Variants in MAPKBP1 observed in about 807,000 individuals in gnomAD.
The protein encoded by MAPKBP1 is mitogen-activated protein kinase binding protein 1.
In MAPKBP1, 71 loss-of-function variants were observed where a neutral mutation model predicts 170.5. The ratio of observed to expected loss-of-function variants is 0.42; its 90% CI spans 0.34 to 0.51. MAPKBP1 has a LOEUF of 0.51. Among genes scored for constraint, MAPKBP1 ranks in the 20% least tolerant of loss-of-function variants. MAPKBP1 has a pLI of 0.06. For missense variants in MAPKBP1, 1,598 were observed against 1,933.0 expected, an observed-to-expected ratio of 0.83 and a Z score of 3.25; for synonymous variants, 719 against 757.9, an observed-to-expected ratio of 0.95 and a Z score of 0.84.
rs1186213155 is a variant in MAPKBP1, at chr15:41,821,065, C to T, written c.2715C>T (p.Ser905=). The change falls in exon 23 of 31, where the codon AGC becomes AGT. Residue 905 remains serine (S), a synonymous_variant. Coordinates refer to ENST00000457542, the MANE Select transcript of MAPKBP1 (RefSeq NM_014994.3). ...AGGCCCTTGAGACTTCACTCACTAG[C>T]CAGGTGAGCCTGCTTTCTCCCAGCT... ...GQEALETSLT[S]QNEKPPRPQA... 6.8e-6 allele frequency: 11 copies of T among 1,613,444 alleles called. No homozygotes were observed. The highest frequency in any genetic ancestry group is 9.3e-6 in the Non-Finnish European group (11 of 1,179,656).
chr15:41,811,939 G>T lies in MAPKBP1; in HGVS notation c.328-18G>T. 3 of 1,613,804 alleles carry T rather than the reference G, an allele frequency of 1.9e-6. No homozygotes were observed. Among genetic ancestry groups the T allele is most frequent in the Non-Finnish European group, 2.5e-6 (3 of 1,179,808 alleles). ...TGGAGAAGTCAAGAACTCACTTCCA[G>T]TTCTTGCCTCCCTGCAGAGTGGGCA... On this transcript the variant is annotated intron_variant, in intron 5 of 30. Transcript: ENST00000457542.
chr15:41,785,480 T>C (rs1487448763), intron 2 of MAPKBP1, among the ~76,000 whole-genome samples: 3 of 152,198 alleles, frequency 2.0e-5, no homozygotes, highest in African/African-American at 4.8e-5. Context: ...TTTCTTTATC[T>C]GTTTAGAAAC....
chr15:41,778,150 G>A (rs2064128264), intron 2 of MAPKBP1, among the ~76,000 whole-genome samples: 1 of 152,178 alleles, frequency 6.6e-6, no homozygotes, highest in African/African-American at 2.4e-5. Context: ...TTAGGACAGT[G>A]TAAGATAGGC....
rs567179114 is a variant in MAPKBP1 at position 41,784,505 on chromosome 15, C to T, written c.114+9116C>T. Among the ~76,000 whole-genome samples the T allele has an allele frequency of 4.0e-5, 6 of 151,806 alleles. No homozygotes were observed. The South Asian group carries it at 6.2e-4, about 16-fold the overall frequency. The stretch of plus-strand genomic sequence containing the variant: ...GCTTTTTTAAAAAAATTAGCTGGGC[C>T]GGGCGTGGTGGCTCACACCTGTAAT... On this transcript the variant is annotated intron_variant, in intron 2 of 30. Coordinates refer to ENST00000457542, the MANE Select transcript of MAPKBP1 (RefSeq NM_014994.3).
At chr15:41,810,717 CAAAAAAAAAA>C (rs58612719) in intron 3 of MAPKBP1, 156 bp from the exon 4 acceptor site, 25 of 431,864 alleles carry the variant, frequency 5.8e-5, no homozygotes, top group Non-Finnish European at 8.4e-5. Flanking sequence ...GATCCTGTCT[CAAAAAAAAAA>C]AAAAAAAAAA....
At chr15:41,777,424 A>G (rs1347578394) in intron 2 of MAPKBP1, among the ~76,000 whole-genome samples, 1 of 152,064 alleles carries the variant, frequency 6.6e-6, no homozygotes, top group Non-Finnish European at 1.5e-5. Context: ...AGAGCTCTCC[A>G]GGAAAACAGT....
At chr15:41,810,301 T>G (rs2064779342) in intron 3 of MAPKBP1, among the ~76,000 whole-genome samples, 1 of 152,144 alleles carries the variant, frequency 6.6e-6, no homozygotes. Flanking sequence ...TGGCCAGAGA[T>G]AGAGCTGGTA....
At chr15:41,819,753 T>A in intron 22 of MAPKBP1, 103 bp downstream of exon 22, 1 of 1,167,300 alleles carries the variant, frequency 8.6e-7, no homozygotes, top group Non-Finnish European at 1.2e-6. Flanking sequence ...GCATGGGGTC[T>A]GCCCACATGC....
At chr15:41,793,286 G>C (rs1340427113) in intron 2 of MAPKBP1, among the ~76,000 whole-genome samples, 2 of 152,154 alleles carry the variant, frequency 1.3e-5, no homozygotes, top group African/African-American at 4.8e-5. Flanking sequence ...AGGAGATCGA[G>C]ACCATACTGG....
rs777425004 is a variant in MAPKBP1, at chr15:41,823,072, G to T, written c.3448G>T (p.Gly1150Cys). The change falls in exon 28 of 31, where the codon GGC (glycine) becomes TGC (cysteine). Residue 1150 changes from glycine (G) to cysteine (C), a missense_variant. Coordinates refer to ENST00000457542, the MANE Select transcript of MAPKBP1 (RefSeq NM_014994.3). ...GAPPEVEPSSGNPSPQQAASV... is the reference protein window; with the variant it reads ...GAPPEVEPSSCNPSPQQAASV... Reference sequence around the variant, plus strand: ...ACCCCCGGAGGTGGAACCGTCCTCTGGCAACCCCAGCCCCCAGCAGGCAGC... The same window carrying T: ...ACCCCCGGAGGTGGAACCGTCCTCTTGCAACCCCAGCCCCCAGCAGGCAGC... 6.2e-7 allele frequency: 1 copy of T among 1,613,672 alleles called. No individual in the cohort carries two copies. The highest frequency in any genetic ancestry group is 8.5e-7 in the Non-Finnish European group (1 of 1,179,910).
Position 41,825,517 on chromosome 15 carries a change from G to C in MAPKBP1, c.*81G>C. Reference sequence around the variant, plus strand: ...CCTCTGCCCCTCACCAAAACCTGCGGGGCTGCTTGGAGTGGAAAGCAGGGA... The same window carrying C: ...CCTCTGCCCCTCACCAAAACCTGCGCGGCTGCTTGGAGTGGAAAGCAGGGA... On this transcript the variant is annotated 3_prime_UTR_variant, in exon 31 of 31. Coordinates refer to ENST00000457542, the MANE Select transcript of MAPKBP1 (RefSeq NM_014994.3). 1 of 1,308,878 alleles carries C rather than the reference G, an allele frequency of 7.6e-7. No homozygotes were observed. Among genetic ancestry groups the C allele is most frequent in the South Asian group, 1.5e-5 (1 of 67,854 alleles). 81.1% of individuals were successfully genotyped at this position (1,308,878 alleles called of 1,614,324 possible).
intron 2 of MAPKBP1, among the ~76,000 whole-genome samples, chr15:41,791,950 G>A (rs2064403439): frequency 6.6e-6 from 1 of 151,748 alleles, no homozygotes; most frequent in African/African-American, 2.4e-5. Context: ...AGCTACTTGG[G>A]AGGCTGAGGC....
At chr15:41,797,260 C>T (rs146235112) in intron 2 of MAPKBP1, among the ~76,000 whole-genome samples, 4 of 152,276 alleles carry the variant, frequency 2.6e-5, no homozygotes, top group Non-Finnish European at 5.9e-5. Flanking sequence ...GCATGAGGGA[C>T]GGAAGGGATC....
intron 3 of MAPKBP1, among the ~76,000 whole-genome samples, chr15:41,803,926 C>T (rs924873110): frequency 3.6e-4 from 55 of 152,014 alleles, no homozygotes; most frequent in Non-Finnish European, 7.5e-4. Context: ...CCGCAACCTC[C>T]GCCTCCTGGG....
At position 41,815,247 on chromosome 15, in the gene MAPKBP1, C is replaced by T. The variant is rs772108230; in HGVS notation, c.1171-12C>T. 34 of 1,613,922 alleles carry T rather than the reference C, an allele frequency of 2.1e-5. No homozygotes were observed. The highest frequency in any genetic ancestry group is 3.3e-5 in the Admixed American group (2 of 59,996). On this transcript the variant is annotated splice_polypyrimidine_tract_variant and intron_variant, in intron 10 of 30. Transcript: ENST00000457542. ...GAATGGAGGTCTGATTGTGTTCCCT[C>T]GGCCTCTTCAGGTCTACCCCGAGGT...
At position 41,823,899 on chromosome 15, in the gene MAPKBP1, A is replaced by C. The variant is rs1190012068; in HGVS notation, c.4051A>C (p.Thr1351Pro). The C allele has an allele frequency of 6.2e-7, 1 of 1,614,030 alleles. No homozygotes were observed. Among genetic ancestry groups the C allele is most frequent in the African/African-American group, 1.3e-5 (1 of 74,906 alleles). ...LGEGTTPKPR[T>P]ECQAHPGPSS... ...GGAGGGCACCACTCCCAAGCCTAGG[A>C]CAGAGTGCCAGGCTCATCCTGGGCC... Residue 1351 changes from threonine to proline, a missense_variant, in exon 29 of 31, where the codon ACA becomes CCA. Thr to Pro is a conservative substitution (Grantham distance 38). Transcript: ENST00000457542.
intron 21 of MAPKBP1, 38 bp from the exon 22 acceptor site, chr15:41,819,557 G>GGGGGGGA: frequency 1.4e-6 from 2 of 1,384,690 alleles, no homozygotes; most frequent in Non-Finnish European, 1.0e-6. Context: ...CGGGGGGGGG[G>GGGGGGGA]CAGGAGACAC....
chr15:41,795,184 A>G (rs932621837), intron 2 of MAPKBP1, among the ~76,000 whole-genome samples: 1 of 151,874 alleles, frequency 6.6e-6, no homozygotes, highest in Non-Finnish European at 1.5e-5. Flanking sequence ...AAAAAAAAGA[A>G]AAAGAAAAAA....
At chr15:41,776,077 T>C (rs1409256444) in intron 2 of MAPKBP1, among the ~76,000 whole-genome samples, 1 of 152,232 alleles carries the variant, frequency 6.6e-6, no homozygotes. Flanking sequence ...GCTTCACTTG[T>C]CTGTGTTTTG....
Sources: allele counts gnomAD v4.1 joint callset (sites outside exome capture counted in the v4.1 genomes callset), GRCh38; gene constraint gnomAD v4.1.1; transcripts MANE v1.5; gene names NCBI Gene and HGNC (gene_info 2026-07-23, HGNC 2026-07-21).